The following NUDT3 variants were observed in gnomAD, a reference collection of about 807,000 sequenced individuals.
NUDT3 encodes diphosphoinositol polyphosphate phosphohydrolase 1.
Under a neutral mutation model 23.6 loss-of-function variants are expected in NUDT3, and 9 were observed. The observed-to-expected ratio is 0.38, with a 90% CI of 0.23 to 0.66. NUDT3 has a LOEUF of 0.66. Among genes scored for constraint, NUDT3 ranks in the 30% least tolerant of loss-of-function variants. The pLI is 0.52. For synonymous variants in NUDT3, 86 were observed against 82.6 expected (o/e 1.04, Z -0.22); for missense variants, 172 against 218.5 (o/e 0.79, Z 1.34).
At chr6:34,303,197 A>ATTTTTTTTTTTTTTTTT (rs55915428) in intron 2 of NUDT3, among the ~76,000 whole-genome samples, 3 of 74,506 alleles carry the variant, frequency 4.0e-5, no homozygotes, top group African/African-American at 1.5e-4. Context: ...ATACCTGGCA[A>ATTTTTTTTTTTTTTTTT]TTTTTTTTTT....
intron 1 of NUDT3, among the ~76,000 whole-genome samples, chr6:34,364,424 T>G (rs1456526971): frequency 6.6e-6 from 1 of 152,094 alleles, no homozygotes; most frequent in East Asian, 1.9e-4. Context: ...TTCTGTAGAA[T>G]TTTTTTTAAT....
chr6:34,319,359 GTTGGGATTTCCATGACCCCCTA>G (rs1198795718), intron 2 of NUDT3, among the ~76,000 whole-genome samples: 2 of 152,192 alleles, frequency 1.3e-5, no homozygotes, highest in African/African-American at 4.8e-5. Context: ...CTAGCTTCAA[GTTGGGATTTCCATGACCCCCTA>G]TTTGGGCTCA....
chr6:34,307,829 A>G (rs2113706900), intron 2 of NUDT3, among the ~76,000 whole-genome samples: 1 of 152,164 alleles, frequency 6.6e-6, no homozygotes, highest in South Asian at 2.1e-4. Flanking sequence ...ACATCAATTA[A>G]AAGACAGGGT....
intron 2 of NUDT3, among the ~76,000 whole-genome samples, chr6:34,320,134 C>CT (rs112549634): frequency 0.032 from 4,871 of 152,242 alleles, 171 homozygotes; most frequent in African/African-American, 0.085. Flanking sequence ...AGAAGGAGGG[C>CT]TGTTAATAGG....
intron 1 of NUDT3, among the ~76,000 whole-genome samples, chr6:34,380,753 G>A (rs1002206387): frequency 2.4e-4 from 36 of 152,074 alleles, no homozygotes; most frequent in African/African-American, 8.7e-4. Context: ...CAGATTAGGG[G>A]GACAGGCAGG....
At chr6:34,299,517 T>C (rs1763565619) in intron 2 of NUDT3, among the ~76,000 whole-genome samples, 1 of 151,974 alleles carries the variant, frequency 6.6e-6, no homozygotes, top group Non-Finnish European at 1.5e-5. Context: ...CTTGAACTCC[T>C]GGGCTCAAGT....
At chr6:34,369,434 T>C (rs1764793344) in intron 1 of NUDT3, among the ~76,000 whole-genome samples, 1 of 152,196 alleles carries the variant, frequency 6.6e-6, no homozygotes, top group Non-Finnish European at 1.5e-5. Context: ...ATTCCAAACA[T>C]TAAGACTTGT....
At chr6:34,354,248 G>A (rs1281264198) in intron 1 of NUDT3, among the ~76,000 whole-genome samples, 2 of 151,618 alleles carry the variant, frequency 1.3e-5, no homozygotes, top group East Asian at 3.9e-4. Flanking sequence ...TGGACTCACG[G>A]GATCCACCCA....
intron 2 of NUDT3, among the ~76,000 whole-genome samples, chr6:34,321,865 T>C (rs2113717941): frequency 6.6e-6 from 1 of 152,364 alleles, no homozygotes; most frequent in South Asian, 2.1e-4. Context: ...GATATACATG[T>C]AGCTACTGAG....
rs560005557 is a variant in NUDT3, at chr6:34,345,862, G to A, written c.100-3890C>T. Among the ~76,000 whole-genome samples the A allele has an allele frequency of 8.6e-5, 13 of 151,944 alleles. No homozygotes were observed. In the South Asian group the frequency reaches 1.2e-3, roughly 15 times the overall value. On this transcript the variant is annotated intron_variant, in intron 1 of 4. Coordinates refer to ENST00000607016, the MANE Select transcript of NUDT3 (RefSeq NM_006703.4). ...TGGCTCACCGCAACCGCTGCCTCCCGGGTTCAAGCAATGCTCCTGCCTCAG... is the reference window on the plus strand; with the variant it reads ...TGGCTCACCGCAACCGCTGCCTCCCAGGTTCAAGCAATGCTCCTGCCTCAG...
chr6:34,298,659 C>T (rs983310855), intron 2 of NUDT3, among the ~76,000 whole-genome samples: 9 of 152,008 alleles, frequency 5.9e-5, no homozygotes, highest in Non-Finnish European at 1.0e-4. Context: ...GTTGCCCAGC[C>T]GGCCTCAAAC....
intron 1 of NUDT3, among the ~76,000 whole-genome samples, chr6:34,362,013 A>G (rs532967042): frequency 1.4e-3 from 213 of 152,290 alleles, no homozygotes; most frequent in Admixed American, 2.1e-3. Context: ...CATGTGTCAT[A>G]GTAGGCTCAC....
chr6:34,383,182 A>C (rs1765051788), intron 1 of NUDT3, among the ~76,000 whole-genome samples: 1 of 152,092 alleles, frequency 6.6e-6, no homozygotes, highest in East Asian at 1.9e-4. Flanking sequence ...CCTTTTAAGA[A>C]AAGCATAAGC....
At chr6:34,347,941 C>CCTGGG (rs1764403717) in intron 1 of NUDT3, among the ~76,000 whole-genome samples, 1 of 151,448 alleles carries the variant, frequency 6.6e-6, no homozygotes, top group Admixed American at 6.6e-5. Context: ...TCAAGACCAG[C>CCTGGG]CTGGGCAACA....
At position 34,293,344 on chromosome 6, in the gene NUDT3, G is replaced by A; in HGVS notation, c.340+107C>T. On this transcript the variant is annotated intron_variant, in intron 4 of 4. Transcript: ENST00000607016. ...TCCAAAGTACTGGGGTTATAGGTGT[G>A]AGCCACTGAGCCTGGTACGCTCTTG... is the stretch of plus-strand genomic sequence containing the variant. The A allele has an allele frequency of 3.0e-6, 4 of 1,314,696 alleles. No individual in the cohort carries two copies. In the South Asian group the frequency reaches 5.0e-5, roughly 16 times the overall value. The allele number at this position is 1,314,696 out of a possible 1,614,324, so 81.4% of individuals were successfully genotyped here. A position where few individuals can be genotyped will look rare whatever the true frequency, so the allele number is the denominator to read the frequency against.
At chr6:34,326,485 T>C (rs984675890) in intron 2 of NUDT3, among the ~76,000 whole-genome samples, 1 of 150,000 alleles carries the variant, frequency 6.7e-6, no homozygotes, top group African/African-American at 2.4e-5. Flanking sequence ...TCAGTCCTAC[T>C]ACTGTTGGTC....
At chr6:34,334,021 G>A (rs1581872147) in intron 2 of NUDT3, among the ~76,000 whole-genome samples, 1 of 152,198 alleles carries the variant, frequency 6.6e-6, no homozygotes, top group Admixed American at 6.5e-5. Context: ...CAGTGGAAGA[G>A]GGGGGCTGAG....
In NUDT3 at chr6:34,392,665, G is replaced by T. The variant is rs1048839944; in HGVS notation, c.-303C>A. On this transcript the variant is annotated 5_prime_UTR_variant, in exon 1 of 5. Coordinates refer to ENST00000607016, the MANE Select transcript of NUDT3 (RefSeq NM_006703.4). ...GCCATCTTGGGCGCGATGCGTCAGC[G>T]GCGTAAGGCTGCACCGGCCTGCGGG... The T allele has an allele frequency of 3.1e-5, 6 of 194,902 alleles. No homozygotes were observed. Among genetic ancestry groups the T allele is most frequent in the Non-Finnish European group, 6.2e-5 (6 of 96,140 alleles). 12.1% of individuals were successfully genotyped at this position (194,902 alleles called of 1,614,324 possible). A position where few individuals can be genotyped will look rare whatever the true frequency, so the allele number is the denominator to read the frequency against.
chr6:34,335,726 AGTGTTTTTTTCTTTGAAAATGCT>A (rs1489616976), intron 2 of NUDT3, among the ~76,000 whole-genome samples: 11 of 150,922 alleles, frequency 7.3e-5, no homozygotes, highest in African/African-American at 2.2e-4. Context: ...AAAAAAAAAA[AGTGTTTTTTTCTTTGAAAATGCT>A]GTGTTTTTTT....
Sources: allele counts gnomAD v4.1 joint callset (sites outside exome capture counted in the v4.1 genomes callset), GRCh38; gene constraint gnomAD v4.1.1; transcripts MANE v1.5; gene names NCBI Gene and HGNC (gene_info 2026-07-23, HGNC 2026-07-21).